Variants in RAB11FIP4 observed in about 807,000 individuals in gnomAD.
The protein encoded by RAB11FIP4 is rab11 family-interacting protein 4.
In RAB11FIP4, 23 loss-of-function variants were observed where a neutral mutation model predicts 74.3. The ratio of observed to expected loss-of-function variants is 0.31; its 90% CI spans 0.22 to 0.44. The LOEUF (loss-of-function observed/expected upper bound fraction) is 0.44. Ranked by LOEUF, RAB11FIP4 falls within the 20% of genes least tolerant of loss-of-function variation. RAB11FIP4 has a pLI of 1.00. For synonymous variants in RAB11FIP4, 360 were observed against 359.9 expected (o/e 1.00, Z 0.00); for missense variants, 630 against 863.9 (o/e 0.73, Z 3.39).
intron 3 of RAB11FIP4, among the ~76,000 whole-genome samples, chr17:31,489,283 A>G (rs2013693882): frequency 6.6e-6 from 1 of 152,198 alleles, no homozygotes; most frequent in Non-Finnish European, 1.5e-5. Context: ...GGGCAGGCAC[A>G]TTCCTTAGAA....
intron 1 of RAB11FIP4, among the ~76,000 whole-genome samples, chr17:31,410,776 A>G (rs1471436558): frequency 6.6e-6 from 1 of 152,170 alleles, no homozygotes; most frequent in African/African-American, 2.4e-5. Flanking sequence ...TGCCAGCCTC[A>G]GAGGGCATGT....
chr17:31,523,556 C>T lies in RAB11FIP4; in HGVS notation c.974C>T (p.Thr325Ile). 6.2e-7 allele frequency: 1 copy of T among 1,614,110 alleles called. No individual in the cohort carries two copies. Among genetic ancestry groups the T allele is most frequent in the Non-Finnish European group, 8.5e-7 (1 of 1,180,000 alleles). The change falls in exon 8 of 15, where the codon ACC becomes ATC. Residue 325 changes from threonine to isoleucine, a missense_variant. Thr to Ile is a moderately conservative substitution (Grantham distance 89, BLOSUM62 -1). Transcript: ENST00000621161. ...SSNFSSSNGS[T>I]EDLFRDSIDS... is the part of the protein sequence containing the mutation. ...AACTTCAGCAGCAGCAATGGCAGCACCGAAGACCTGTTCCGGGACAGCATT... is the reference window on the plus strand; with the variant it reads ...AACTTCAGCAGCAGCAATGGCAGCATCGAAGACCTGTTCCGGGACAGCATT...
At chr17:31,423,458 C>T (rs1459422436) in intron 1 of RAB11FIP4, among the ~76,000 whole-genome samples, 1 of 152,180 alleles carries the variant, frequency 6.6e-6, no homozygotes, top group East Asian at 1.9e-4. Flanking sequence ...GCCTCAACCC[C>T]CTGGCCTTAA....
At chr17:31,496,940 C>T (rs531266354) in intron 3 of RAB11FIP4, among the ~76,000 whole-genome samples, 3 of 152,330 alleles carry the variant, frequency 2.0e-5, no homozygotes, top group Admixed American at 6.5e-5. Context: ...CCCAGCCCTG[C>T]GACCTTTCAC....
Position 31,530,433 on chromosome 17 carries a change from T to C in RAB11FIP4, c.1761T>C (p.Ser587=). The change falls in exon 14 of 15, where the codon TCT becomes TCC. Residue 587 remains serine (S), a synonymous_variant. Transcript: ENST00000621161. ...TTGCTGCCCAGACTAAAGCCCAGTC[T>C]CTGGCTGCGGAGATAGACACCGCCT... is the stretch of plus-strand genomic sequence containing the variant. ...NLFAAQTKAQ[S]LAAEIDTASR... The C allele has an allele frequency of 6.2e-7, 1 of 1,614,096 alleles. No individual in the cohort carries two copies. The highest frequency in any genetic ancestry group is 8.5e-7 in the Non-Finnish European group (1 of 1,179,980).
In RAB11FIP4 at chr17:31,460,887, C is replaced by T. The variant is rs368047595; in HGVS notation, c.336+26765C>T. On this transcript the variant is annotated intron_variant, in intron 3 of 14. Coordinates refer to ENST00000621161, the MANE Select transcript of RAB11FIP4 (RefSeq NM_032932.6). ...CTAGGACTGCAGGTGTGCACCACCA[C>T]GCCCGGCCATGTGTGTATTTTTAAT... Among the ~76,000 whole-genome samples, 36 of 152,208 alleles carry T rather than the reference C, an allele frequency of 2.4e-4. 2 individuals carry two copies. The highest frequency in any genetic ancestry group is 9.8e-4 in the Admixed American group (15 of 15,278).
At chr17:31,398,571 C>T (rs576735496) in intron 1 of RAB11FIP4, among the ~76,000 whole-genome samples, 1 of 152,168 alleles carries the variant, frequency 6.6e-6, no homozygotes, top group Admixed American at 6.5e-5. Flanking sequence ...ACGTGCCCTC[C>T]GAGGGATATC....
At chr17:31,425,692 A>G (rs540699355) in intron 1 of RAB11FIP4, among the ~76,000 whole-genome samples, 5 of 152,274 alleles carry the variant, frequency 3.3e-5, no homozygotes, top group Admixed American at 3.3e-4. Flanking sequence ...TGAACAACCA[A>G]TTTCCCTGGC....
chr17:31,460,471 T>A (rs2071623909), intron 3 of RAB11FIP4, among the ~76,000 whole-genome samples: 1 of 152,298 alleles, frequency 6.6e-6, no homozygotes, highest in East Asian at 1.9e-4. Flanking sequence ...TACTCCTCAG[T>A]CTTGTTGAGA....
At chr17:31,531,445 G>A (rs578073846) in intron 14 of RAB11FIP4, among the ~76,000 whole-genome samples, 171 bp from the exon 15 acceptor site, 14 of 152,274 alleles carry the variant, frequency 9.2e-5, no homozygotes, top group South Asian at 6.2e-4. Context: ...GAGCCACTTC[G>A]ACTCTGGTCC....
At chr17:31,522,084 G>A (rs747367070) in intron 6 of RAB11FIP4, 35 bp downstream of exon 6, 14 of 1,611,856 alleles carry the variant, frequency 8.7e-6, no homozygotes, top group East Asian at 4.5e-5. Context: ...GTGAGAGGCC[G>A]GGGGGCCAGG....
At chr17:31,416,556 C>G (rs904938543) in intron 1 of RAB11FIP4, among the ~76,000 whole-genome samples, 2 of 152,220 alleles carry the variant, frequency 1.3e-5, no homozygotes, top group African/African-American at 2.4e-5. Context: ...GGTGGCGGCT[C>G]CAGAATACAG....
intron 1 of RAB11FIP4, among the ~76,000 whole-genome samples, chr17:31,393,523 A>T (rs1597892351): frequency 6.6e-6 from 1 of 152,330 alleles, no homozygotes; most frequent in African/African-American, 2.4e-5. Context: ...CCACGTGCCC[A>T]GCAAGCCTCA....
In RAB11FIP4 at chr17:31,420,819, C is replaced by T. The variant is rs982507579; in HGVS notation, c.160-10994C>T. Among the ~76,000 whole-genome samples the T allele has an allele frequency of 2.0e-5, 3 of 151,864 alleles. No individual in the cohort carries two copies. The South Asian group carries it at 6.2e-4, about 32-fold the overall frequency. On this transcript the variant is annotated intron_variant, in intron 1 of 14. Coordinates refer to ENST00000621161, the MANE Select transcript of RAB11FIP4 (RefSeq NM_032932.6). ...GACTTTGGGGCTGGGTGCGGTGGCT[C>T]ATGCCTGTAATCTCAGCACTTTGGG... is the stretch of plus-strand genomic sequence containing the variant.
intron 3 of RAB11FIP4, among the ~76,000 whole-genome samples, chr17:31,438,706 C>T (rs1597917094): frequency 6.6e-6 from 1 of 152,136 alleles, no homozygotes; most frequent in Admixed American, 6.5e-5. Context: ...GATACCAAAC[C>T]GCTCCCCGTT....
intron 2 of RAB11FIP4, 56 bp from the exon 3 acceptor site, chr17:31,433,978 C>G (rs145543389): frequency 2.0e-6 from 3 of 1,499,092 alleles, no homozygotes; most frequent in East Asian, 4.7e-5. Context: ...GCAGAGCAGC[C>G]GTCCCAGGCT....
At chr17:31,530,789 G>A (rs2074153) in intron 14 of RAB11FIP4, among the ~76,000 whole-genome samples, 1 of 152,052 alleles carries the variant, frequency 6.6e-6, no homozygotes, top group South Asian at 2.1e-4. Flanking sequence ...TATCACTCCC[G>A]CTCTTCCCAG....
chr17:31,447,064 C>A (rs1567658987), intron 3 of RAB11FIP4, among the ~76,000 whole-genome samples: 1 of 152,130 alleles, frequency 6.6e-6, no homozygotes, highest in Non-Finnish European at 1.5e-5. Flanking sequence ...GCGGGCGGAT[C>A]ACGAGGTCAG....
At position 31,532,095 on chromosome 17, in the gene RAB11FIP4, T is replaced by G. The variant is rs1467574493; in HGVS notation, c.*363T>G. On this transcript the variant is annotated 3_prime_UTR_variant, in exon 15 of 15. Transcript: ENST00000621161. ...ATGATTCTACCTCTGGGGATAAGGA[T>G]TCACATTCGCTCTAGTACGATGGGC... is the stretch of plus-strand genomic sequence containing the variant. 2 of 208,692 alleles carry G rather than the reference T, an allele frequency of 9.6e-6. No homozygotes were observed. Among genetic ancestry groups the G allele is most frequent in the Admixed American group, 1.0e-4 (2 of 19,168 alleles). The allele number at this position is 208,692 out of a possible 1,614,324, so 12.9% of individuals were successfully genotyped here. A position where few individuals can be genotyped will look rare whatever the true frequency, so the allele number is the denominator to read the frequency against.
Sources: gnomAD v4.1 joint callset for allele counts (sites outside exome capture counted in the v4.1 genomes callset) on GRCh38, gnomAD v4.1.1 for gene constraint, MANE v1.5 for transcripts, NCBI Gene and HGNC (gene_info 2026-07-23, HGNC 2026-07-21) for gene names.